Variants in ADAMTS9 observed in about 807,000 individuals in gnomAD.
ADAMTS9 encodes A disintegrin and metalloproteinase with thrombospondin motifs 9.
A neutral mutation model predicts 257.1 loss-of-function variants in ADAMTS9; 107 were observed. That is an observed-to-expected ratio of 0.42 (90% CI 0.36 to 0.49). The LOEUF (loss-of-function observed/expected upper bound fraction) is 0.49, where lower values mean the gene tolerates loss of function less well. ADAMTS9 is among the 20% of genes least tolerant of loss of function. The pLI, the probability that ADAMTS9 is intolerant of heterozygous loss-of-function variation, is 0.03. For missense variants in ADAMTS9, 2,353 were observed against 2,469.1 expected (o/e 0.95, Z 1.00); for synonymous variants, 982 against 880.9 (o/e 1.11, Z -2.03).
At chr3:64,610,635 T>C (rs1257176791) in intron 22 of ADAMTS9, among the ~76,000 whole-genome samples, 3 of 152,122 alleles carry the variant, frequency 2.0e-5, no homozygotes, top group African/African-American at 7.2e-5. Context: ...ATCAAAACCA[T>C]AGTAAGATAA....
chr3:64,613,963 C>T (rs2084714055), intron 21 of ADAMTS9, among the ~76,000 whole-genome samples: 1 of 152,118 alleles, frequency 6.6e-6, no homozygotes, highest in Non-Finnish European at 1.5e-5. Context: ...GCTCTTGGCA[C>T]AATGTTCATT....
At chr3:64,578,690 A>T in intron 28 of ADAMTS9, among the ~76,000 whole-genome samples, 1 of 152,164 alleles carries the variant, frequency 6.6e-6, no homozygotes, top group East Asian at 1.9e-4. Context: ...CTTCCTCCAC[A>T]AATCTGTTCT....
At chr3:64,612,582 G>A (rs1671003197) in intron 22 of ADAMTS9, among the ~76,000 whole-genome samples, 1 of 152,218 alleles carries the variant, frequency 6.6e-6, no homozygotes, top group Non-Finnish European at 1.5e-5. Flanking sequence ...CTGAGTGGCT[G>A]TGGCTGGTCA....
At chr3:64,632,558 C>T (rs1029926665) in intron 14 of ADAMTS9, among the ~76,000 whole-genome samples, 39 of 152,298 alleles carry the variant, frequency 2.6e-4, no homozygotes, top group African/African-American at 8.7e-4. Context: ...TGCTGAATTT[C>T]TCCTCATATT....
At chr3:64,593,073 C>A (rs2084292761) in intron 28 of ADAMTS9, among the ~76,000 whole-genome samples, 1 of 152,130 alleles carries the variant, frequency 6.6e-6, no homozygotes, top group South Asian at 2.1e-4. Context: ...ATACAACAGA[C>A]CAGAGCTCTC....
chr3:64,565,729 G>C (rs751929162), intron 29 of ADAMTS9: 1 of 152,168 alleles, frequency 6.6e-6, no homozygotes, highest in Non-Finnish European at 1.5e-5. Flanking sequence ...AGAACTTGAT[G>C]CTAATTTTTG....
At chr3:64,630,326 G>A (rs1019115294) in intron 16 of ADAMTS9, among the ~76,000 whole-genome samples, 1 of 152,192 alleles carries the variant, frequency 6.6e-6, no homozygotes, top group African/African-American at 2.4e-5. Flanking sequence ...CACTTTGGGA[G>A]GCCAAGGCAG....
At chr3:64,535,854 C>T (rs1240688632) in intron 37 of ADAMTS9, among the ~76,000 whole-genome samples, 10 of 151,994 alleles carry the variant, frequency 6.6e-5, no homozygotes, top group Non-Finnish European at 1.3e-4. Context: ...CCCCTCCCCC[C>T]AAAATTTTCT....
chr3:64,679,253 A>T (rs1701696145), intron 3 of ADAMTS9, among the ~76,000 whole-genome samples: 1 of 152,186 alleles, frequency 6.6e-6, no homozygotes, highest in African/African-American at 2.4e-5. Context: ...TTTTTGAATC[A>T]CAGTACTAAT....
chr3:64,526,406 T>C (rs13093187), intron 38 of ADAMTS9, among the ~76,000 whole-genome samples: 96,858 of 152,002 alleles, frequency 0.64, 35,735 homozygotes, highest in Non-Finnish European at 0.85. Context: ...TAAAAATTCG[T>C]AGGCATTTGA....
At position 64,594,118 on chromosome 3, in the gene ADAMTS9, T is replaced by C; in HGVS notation, c.4356+140A>G. 4.5e-6 allele frequency: 4 copies of C among 885,652 alleles called. No individual in the cohort carries two copies. The South Asian group carries it at 8.2e-5, about 18-fold the overall frequency. 54.9% of individuals were successfully genotyped at this position (885,652 alleles called of 1,614,324 possible). On this transcript the variant is annotated intron_variant, in intron 28 of 39. Coordinates refer to ENST00000498707, the MANE Select transcript of ADAMTS9 (RefSeq NM_182920.2). Reference sequence around the variant, plus strand: ...AAGTTAATTCTATTATGTGCCAATATGGAGAAAATAATAGACTATTTATAG... The same window carrying C: ...AAGTTAATTCTATTATGTGCCAATACGGAGAAAATAATAGACTATTTATAG...
At chr3:64,672,208 A>G (rs1024977005) in intron 3 of ADAMTS9, among the ~76,000 whole-genome samples, 11 of 152,234 alleles carry the variant, frequency 7.2e-5, no homozygotes, top group Admixed American at 5.9e-4. Context: ...GAAGGTGAAC[A>G]CATTATCAAG....
intron 30 of ADAMTS9, among the ~76,000 whole-genome samples, chr3:64,555,138 A>G (rs1055748536): frequency 6.6e-6 from 1 of 152,204 alleles, no homozygotes; most frequent in Non-Finnish European, 1.5e-5. Flanking sequence ...GGCAACTCAC[A>G]GAACCACAGG....
chr3:64,533,571 C>G (rs535661349), intron 37 of ADAMTS9, among the ~76,000 whole-genome samples: 62 of 152,340 alleles, frequency 4.1e-4, no homozygotes, highest in Middle Eastern at 3.4e-3. Flanking sequence ...CTCACATCCT[C>G]CTGACTTCAA....
chr3:64,641,367 T>C (rs1700635345), intron 12 of ADAMTS9, among the ~76,000 whole-genome samples: 1 of 151,748 alleles, frequency 6.6e-6, no homozygotes, highest in Non-Finnish European at 1.5e-5. Context: ...ACGTGCACAA[T>C]GTGCAGGTTA....
intron 32 of ADAMTS9, among the ~76,000 whole-genome samples, chr3:64,543,091 C>A (rs181060398): frequency 6.6e-6 from 1 of 152,120 alleles, no homozygotes; most frequent in Non-Finnish European, 1.5e-5. Flanking sequence ...CTGAATAGAC[C>A]AATAACAGGC....
In ADAMTS9 at chr3:64,649,764, T is replaced by C; in HGVS notation, c.1478A>G (p.Glu493Gly). The change falls in exon 10 of 40, where the codon GAG becomes GGG. Residue 493 changes from glutamate (E) to glycine (G), a missense_variant. By Grantham distance (98) the Glu-to-Gly change is moderately conservative. Coordinates refer to ENST00000498707, the MANE Select transcript of ADAMTS9 (RefSeq NM_182920.2). ...GGATTCAGGTTCGTTAAGCAAACAC[T>C]CGCCATAACCAGTGCTACGGAAACA... is the stretch of plus-strand genomic sequence containing the variant. ...ITEFLDTGYG[E>G]CLLNEPESRP... 1.9e-6 allele frequency: 3 copies of C among 1,613,662 alleles called. No individual in the cohort carries two copies. Among genetic ancestry groups the C allele is most frequent in the South Asian group, 2.2e-5 (2 of 90,976 alleles).
At chr3:64,632,630 G>A (rs1458954143) in intron 14 of ADAMTS9, among the ~76,000 whole-genome samples, 1 of 152,152 alleles carries the variant, frequency 6.6e-6, no homozygotes, top group African/African-American at 2.4e-5. Context: ...CAGAAGACCA[G>A]AAGAAGAGAG....
At chr3:64,518,357 C>T (rs139444367) in intron 39 of ADAMTS9, among the ~76,000 whole-genome samples, 26 of 152,222 alleles carry the variant, frequency 1.7e-4, no homozygotes, top group African/African-American at 4.8e-4. Flanking sequence ...GAGCCTTACA[C>T]GGTAATGGGC....
Sources: allele counts gnomAD v4.1 joint callset (sites outside exome capture counted in the v4.1 genomes callset), GRCh38; gene constraint gnomAD v4.1.1; transcripts MANE v1.5; gene names NCBI Gene and HGNC (gene_info 2026-07-23, HGNC 2026-07-21).